Variants in SPATS2L observed in about 807,000 individuals in gnomAD.
SPATS2L encodes the protein spermatogenesis associated serine rich 2 like, also known as SPATS2-like protein.
Under a neutral mutation model 59.6 loss-of-function variants are expected in SPATS2L, and 30 were observed. The observed-to-expected ratio is 0.50, with a 90% confidence interval of 0.38 to 0.68. SPATS2L has a LOEUF of 0.68. Ranked by LOEUF, SPATS2L falls within the 30% of genes least tolerant of loss-of-function variation. The pLI is 0.00. For missense variants in SPATS2L, 615 were observed against 700.0 expected (o/e 0.88, Z 1.37); for synonymous variants, 252 against 263.5 (o/e 0.96, Z 0.42).
At chr2:200,462,002 C>T (rs529207809) in intron 9 of SPATS2L, among the ~76,000 whole-genome samples, 2 of 145,118 alleles carry the variant, frequency 1.4e-5, no homozygotes, top group South Asian at 4.7e-4. Flanking sequence ...GTTAAACAAT[C>T]TCTTTGATTG....
At chr2:200,440,528 C>CT in intron 7 of SPATS2L, 121 bp from the exon 8 acceptor site, 1 of 972,638 alleles carries the variant, frequency 1.0e-6, no homozygotes, top group Non-Finnish European at 1.5e-6. Flanking sequence ...CCTGATGGAA[C>CT]TTTTACTAGA....
At chr2:200,443,922 T>G (rs1172634839) in intron 8 of SPATS2L, among the ~76,000 whole-genome samples, 1 of 152,178 alleles carries the variant, frequency 6.6e-6, no homozygotes, top group East Asian at 1.9e-4. Flanking sequence ...AACCACTAAG[T>G]AGCTAAAATG....
intron 1 of SPATS2L, among the ~76,000 whole-genome samples, chr2:200,318,036 A>G (rs1187300970): frequency 6.6e-6 from 1 of 152,198 alleles, no homozygotes; most frequent in African/African-American, 2.4e-5. Context: ...TATTGTTCTC[A>G]GTGTGGGCTG....
At chr2:200,385,797 A>G (rs2081972665) in intron 2 of SPATS2L, among the ~76,000 whole-genome samples, 1 of 151,752 alleles carries the variant, frequency 6.6e-6, no homozygotes, top group Non-Finnish European at 1.5e-5. Context: ...GGTTCACGCC[A>G]TTCTCCTGCC....
chr2:200,307,422 CG>C (rs1329263856), intron 1 of SPATS2L, among the ~76,000 whole-genome samples: 2 of 151,944 alleles, frequency 1.3e-5, no homozygotes, highest in Admixed American at 6.6e-5. Context: ...CAGCCGGGTG[CG>C]GGGGCCGCGG....
At chr2:200,381,160 A>G (rs1011872417) in intron 2 of SPATS2L, among the ~76,000 whole-genome samples, 1 of 152,226 alleles carries the variant, frequency 6.6e-6, no homozygotes, top group Non-Finnish European at 1.5e-5. Context: ...GTTTTGAAGA[A>G]GGAGCATTTG....
intron 2 of SPATS2L, among the ~76,000 whole-genome samples, chr2:200,352,053 G>C (rs1162751828): frequency 6.6e-6 from 1 of 152,044 alleles, no homozygotes; most frequent in African/African-American, 2.4e-5. Flanking sequence ...CGTGCTTGAA[G>C]AAAGAGCCAG....
intron 8 of SPATS2L, among the ~76,000 whole-genome samples, chr2:200,444,011 A>G (rs2084869518): frequency 6.6e-6 from 1 of 152,238 alleles, no homozygotes; most frequent in Non-Finnish European, 1.5e-5. Context: ...ATTTTCCCAG[A>G]AAGAATTAGG....
At chr2:200,339,856 T>G (rs1427774866) in intron 2 of SPATS2L, among the ~76,000 whole-genome samples, 2 of 152,240 alleles carry the variant, frequency 1.3e-5, no homozygotes. Context: ...ACTTCTGGGT[T>G]GAATGACAGT....
At chr2:200,440,828 C>G (rs201830093) in intron 8 of SPATS2L, 44 bp downstream of exon 8, 133 of 1,598,552 alleles carry the variant, frequency 8.3e-5, no homozygotes, top group Admixed American at 4.4e-4. Context: ...GATGCTTGAG[C>G]TGTTCCAACA....
At chr2:200,327,952 C>T (rs1172565279) in intron 1 of SPATS2L, among the ~76,000 whole-genome samples, 3 of 152,158 alleles carry the variant, frequency 2.0e-5, no homozygotes, top group African/African-American at 7.2e-5. Context: ...CAATTAAGTA[C>T]CAGCTGAGTT....
At chr2:200,395,111 C>T (rs988992074) in intron 3 of SPATS2L, among the ~76,000 whole-genome samples, 1 of 152,118 alleles carries the variant, frequency 6.6e-6, no homozygotes, top group Non-Finnish European at 1.5e-5. Flanking sequence ...CAGTGTACAG[C>T]TTAATAGTCA....
chr2:200,449,032 A>C (rs1375095327), intron 8 of SPATS2L, among the ~76,000 whole-genome samples: 1 of 152,244 alleles, frequency 6.6e-6, no homozygotes, highest in Non-Finnish European at 1.5e-5. Flanking sequence ...GGAGAAACTC[A>C]AGGTTCCCAT....
At chr2:200,429,964 C>G (rs1196883823) in intron 6 of SPATS2L, among the ~76,000 whole-genome samples, 1 of 152,130 alleles carries the variant, frequency 6.6e-6, no homozygotes, top group African/African-American at 2.4e-5. Flanking sequence ...TGAGATCATT[C>G]AGATCTCACC....
upstream of SPATS2L, chr2:200,306,669 C>T: frequency 1.0e-6 from 1 of 986,722 alleles, no homozygotes. Flanking sequence ...GCGGGAGTGT[C>T]CCTGCGTGGG....
chr2:200,351,822 G>T (rs1233950159), intron 2 of SPATS2L, among the ~76,000 whole-genome samples: 1 of 152,108 alleles, frequency 6.6e-6, no homozygotes, highest in African/African-American at 2.4e-5. Flanking sequence ...GAGGGTTTTG[G>T]TTATAAATCC....
Position 200,306,786 on chromosome 2 carries a change from G to C in SPATS2L, c.-209G>C, listed in dbSNP as rs959953472. 883 of 981,294 alleles carry C rather than the reference G, an allele frequency of 9.0e-4. 1 individual carries two copies. Among genetic ancestry groups the C allele is most frequent in the Non-Finnish European group, 1.0e-3 (829 of 828,134 alleles). The allele number at this position is 981,294 out of a possible 1,614,324, so 60.8% of individuals were successfully genotyped here. ...GCGCGGGGCGAGCTCCGGACGGCGC[G>C]CGGCCCAGGCAGCGGCTCCCGCTCG... On this transcript the variant is annotated 5_prime_UTR_variant, in exon 1 of 13. Coordinates refer to ENST00000409140, the MANE Select transcript of SPATS2L (RefSeq NM_001100423.2).
At chr2:200,312,231 G>A (rs1292405100) in intron 1 of SPATS2L, among the ~76,000 whole-genome samples, 1 of 152,162 alleles carries the variant, frequency 6.6e-6, no homozygotes, top group Non-Finnish European at 1.5e-5. Flanking sequence ...CTGCATTATG[G>A]AAATGCCACT....
intron 9 of SPATS2L, 125 bp from the exon 10 acceptor site, chr2:200,467,165 C>T: frequency 1.4e-6 from 1 of 695,244 alleles, no homozygotes; most frequent in Non-Finnish European, 2.5e-6. Flanking sequence ...ATGACCAACT[C>T]AGAAAACACA....
Sources: gnomAD v4.1 joint callset for allele counts (sites outside exome capture counted in the v4.1 genomes callset) on GRCh38, gnomAD v4.1.1 for gene constraint, MANE v1.5 for transcripts, NCBI Gene and HGNC (gene_info 2026-07-23, HGNC 2026-07-21) for gene names.